KIT: variants seen among roughly 807,000 people sequenced by gnomAD.
KIT encodes the protein mast/stem cell growth factor receptor Kit.
KIT carries 16 observed loss-of-function variants against 105.7 expected under a neutral mutation model. That is an observed-to-expected ratio of 0.15 (90% CI 0.10 to 0.23). The LOEUF is 0.23. KIT is among the 10% of genes least tolerant of loss of function. The pLI is 1.00. For synonymous variants in KIT, 438 were observed against 441.1 expected, an observed-to-expected ratio of 0.99 and a Z score of 0.09; for missense variants, 858 against 1,213.8, an observed-to-expected ratio of 0.71 and a Z score of 4.36.
In KIT at chr4:54,709,504, T is replaced by C. The variant is rs1553889101; in HGVS notation, c.1196T>C (p.Val399Ala). Residue 399 changes from valine (V) to alanine (A), a missense_variant, in exon 7 of 21, where the codon GTC becomes GCC. By Grantham distance (64) the Val-to-Ala change is moderately conservative. This residue lies in a region of KIT where 401 missense variants were observed against 601.0 expected (regional missense o/e 0.67). Coordinates refer to ENST00000288135, the MANE Select transcript of KIT (RefSeq NM_000222.3). ...ACATTCCTAGTGTCCAATTCTGACG[T>C]CAATGCTGCCATAGCATTTAATGTT... ...TYTFLVSNSD[V>A]NAAIAFNVYV... 1 of 1,612,232 alleles carries C rather than the reference T, an allele frequency of 6.2e-7. No individual in the cohort carries two copies. Among genetic ancestry groups the C allele is most frequent in the African/African-American group, 1.3e-5 (1 of 75,026 alleles).
In KIT at chr4:54,735,134, C is replaced by T. The variant is rs114239189; in HGVS notation, c.2485-1364C>T. ...AAAGTCACAGGTACAGCTGATACTA[C>T]TGCGTTTTATCACCTTTGTTAGTAA... On this transcript the variant is annotated intron_variant, in intron 17 of 20. Coordinates refer to ENST00000288135, the MANE Select transcript of KIT (RefSeq NM_000222.3). Among the ~76,000 whole-genome samples, 1,388 of 152,136 alleles carry T rather than the reference C, an allele frequency of 9.1e-3. 22 individuals carry two copies. The highest frequency in any genetic ancestry group is 0.032 in the African/African-American group (1,333 of 41,512).
At position 54,730,759 on chromosome 4, in the gene KIT, C is replaced by T. The variant is rs549563611; in HGVS notation, c.2142-569C>T. 9.2e-5 allele frequency among the ~76,000 whole-genome samples: 14 copies of T among 152,252 alleles called. No homozygotes were observed. The East Asian group carries it at 2.7e-3, about 29-fold the overall frequency. ...GTTGTCATGGTGTTTCTATGCTAAT[C>T]AGAAGCAGGAAGTACTAGAAATCTT... On this transcript the variant is annotated intron_variant, in intron 14 of 20. Transcript: ENST00000288135.
intron 5 of KIT, among the ~76,000 whole-genome samples, chr4:54,705,808 G>C (rs1427131561): frequency 6.6e-6 from 1 of 152,142 alleles, no homozygotes; most frequent in Non-Finnish European, 1.5e-5. Context: ...CTTGAGCCCA[G>C]GAAGTCGAGG....
At chr4:54,737,082 CCTGGAATTATTA>C in intron 19 of KIT, 81 bp from the exon 20 acceptor site, 1 of 829,338 alleles carries the variant, frequency 1.2e-6, no homozygotes, top group Admixed American at 1.8e-5. Flanking sequence ...GTTGCATAGC[CCTGGAATTATTA>C]CTGAAGTTGC....
rs1722452309 is a variant in KIT, at chr4:54,729,477, G to T, written c.2133G>T (p.Glu711Asp). The T allele has an allele frequency of 6.2e-7, 1 of 1,613,192 alleles. No individual in the cohort carries two copies. Among genetic ancestry groups the T allele is most frequent in the Non-Finnish European group, 8.5e-7 (1 of 1,179,590 alleles). The change falls in exon 14 of 21, where the codon GAG becomes GAT. Residue 711 changes from glutamate (E) to aspartate (D), a missense_variant. Physicochemically the swap from Glu to Asp is conservative, Grantham distance 45. Coordinates refer to ENST00000288135, the MANE Select transcript of KIT (RefSeq NM_000222.3). Reference protein sequence around the residue: ...ALYKNLLHSKESSCSDSTNEY... With the variant: ...ALYKNLLHSKDSSCSDSTNEY... ...ATAAGAATCTTCTGCATTCAAAGGAGTCTTCCTGGTAAGACTGATTTACAT... is the reference window on the plus strand; with the variant it reads ...ATAAGAATCTTCTGCATTCAAAGGATTCTTCCTGGTAAGACTGATTTACAT...
At chr4:54,663,083 T>C (rs1316953893) in intron 1 of KIT, among the ~76,000 whole-genome samples, 2 of 152,184 alleles carry the variant, frequency 1.3e-5, no homozygotes, top group East Asian at 3.9e-4. Context: ...TTAGCTTTCA[T>C]GCTTACATTT....
At chr4:54,696,646 A>G (rs560136317) in intron 2 of KIT, among the ~76,000 whole-genome samples, 3 of 152,356 alleles carry the variant, frequency 2.0e-5, no homozygotes, top group East Asian at 1.9e-4. Context: ...GTTCCTCACT[A>G]CAGTATTTGG....
intron 2 of KIT, among the ~76,000 whole-genome samples, chr4:54,697,810 C>G (rs944583897): frequency 2.0e-5 from 3 of 152,174 alleles, no homozygotes; most frequent in African/African-American, 7.2e-5. Context: ...AAGGAGGAAG[C>G]CTTTCCTGCT....
Position 54,738,893 on chromosome 4 carries a change from T to G in KIT, c.*336T>G. ...CTGCCCAAAAATATGGTTGATAGTT[T>G]ACCTGAATAAATGGTAGTAATCACA... On this transcript the variant is annotated 3_prime_UTR_variant, in exon 21 of 21. Transcript: ENST00000288135. The G allele has an allele frequency of 1.7e-6, 1 of 595,462 alleles. No individual in the cohort carries two copies. The highest frequency in any genetic ancestry group is 3.0e-6 in the Non-Finnish European group (1 of 335,608). 36.9% of individuals were successfully genotyped at this position (595,462 alleles called of 1,614,324 possible). A position where few individuals can be genotyped will look rare whatever the true frequency, so the allele number is the denominator to read the frequency against.
At chr4:54,735,353 ATAACTT>A (rs544577829) in intron 17 of KIT, among the ~76,000 whole-genome samples, 2 of 148,350 alleles carry the variant, frequency 1.3e-5, no homozygotes, top group East Asian at 1.9e-4. Context: ...GCTGACTAAA[ATAACTT>A]TAACACCAAA....
At chr4:54,681,037 C>T (rs983723362) in intron 1 of KIT, among the ~76,000 whole-genome samples, 2 of 152,074 alleles carry the variant, frequency 1.3e-5, no homozygotes, top group African/African-American at 4.8e-5. Flanking sequence ...TGTGGCTGAC[C>T]TTTGCCATGC....
At chr4:54,669,717 AAAAG>A (rs1210443052) in intron 1 of KIT, among the ~76,000 whole-genome samples, 5 of 151,844 alleles carry the variant, frequency 3.3e-5, no homozygotes, top group South Asian at 2.1e-4. Flanking sequence ...AAAAAAAAAA[AAAAG>A]AAAGATGTAA....
At chr4:54,675,988 G>T (rs1015373148) in intron 1 of KIT, among the ~76,000 whole-genome samples, 1 of 152,168 alleles carries the variant, frequency 6.6e-6, no homozygotes, top group Admixed American at 6.5e-5. Context: ...ATCTGTGCCC[G>T]ACTGGCTGCC....
chr4:54,673,167 C>T (rs921516067), intron 1 of KIT, among the ~76,000 whole-genome samples: 3 of 152,112 alleles, frequency 2.0e-5, no homozygotes, highest in Non-Finnish European at 2.9e-5. Flanking sequence ...ACAATGTGCT[C>T]GCTGCTTTAA....
intron 4 of KIT, 33 bp from the exon 5 acceptor site, chr4:54,703,691 T>C (rs926098687): frequency 6.4e-7 from 1 of 1,572,220 alleles, no homozygotes; most frequent in Non-Finnish European, 8.8e-7. Context: ...ATGGTAATCT[T>C]CATTTTTTTT....
chr4:54,739,170 T>C lies in KIT; in HGVS notation c.*613T>C. On this transcript the variant is annotated 3_prime_UTR_variant, in exon 21 of 21. Coordinates refer to ENST00000288135, the MANE Select transcript of KIT (RefSeq NM_000222.3). ...TTATACTACCGACCTGGTTTTTAAA[T>C]AGAGTTTGCTATTAGAGCATTGAAT... 2 of 310,180 alleles carry C rather than the reference T, an allele frequency of 6.4e-6. No homozygotes were observed. Among genetic ancestry groups the C allele is most frequent in the Non-Finnish European group, 5.9e-6 (1 of 169,368 alleles). The allele number at this position is 310,180 out of a possible 1,614,324, so 19.2% of individuals were successfully genotyped here.
chr4:54,735,968 C>A (rs1722900855), intron 17 of KIT, among the ~76,000 whole-genome samples: 1 of 152,090 alleles, frequency 6.6e-6, no homozygotes, highest in Non-Finnish European at 1.5e-5. Context: ...GGGGCCCTTG[C>A]ACTAGAGAAG....
At chr4:54,708,640 A>G (rs530187316) in intron 6 of KIT, among the ~76,000 whole-genome samples, 2 of 152,252 alleles carry the variant, frequency 1.3e-5, no homozygotes, top group African/African-American at 4.8e-5. Flanking sequence ...GGAAGTAAAG[A>G]CGTGAAGGTT....
intron 1 of KIT, among the ~76,000 whole-genome samples, chr4:54,681,725 T>A (rs1298978875): frequency 6.6e-6 from 1 of 152,106 alleles, no homozygotes; most frequent in Non-Finnish European, 1.5e-5. Context: ...TTATTCTAAT[T>A]CTGTGTCCAA....
Sources: allele counts gnomAD v4.1 joint callset (sites outside exome capture counted in the v4.1 genomes callset), GRCh38; gene constraint gnomAD v4.1.1; regional missense constraint gnomAD v4.1.1; transcripts MANE v1.5; gene names NCBI Gene and HGNC (gene_info 2026-07-23, HGNC 2026-07-21).